Variants in AOPEP observed in about 807,000 individuals in gnomAD.
AOPEP encodes aminopeptidase O.
Under a neutral mutation model 98.1 loss-of-function variants are expected in AOPEP, and 77 were observed. That is an observed-to-expected ratio of 0.78 (90% confidence interval 0.65 to 0.95). The LOEUF is 0.95. Ranked by LOEUF, AOPEP falls within the 40% of genes least tolerant of loss-of-function variation. AOPEP has a pLI of 0.00. For missense variants in AOPEP, 1,024 were observed against 1,024.7 expected (o/e 1.00, Z 0.01); for synonymous variants, 346 against 365.3 (o/e 0.95, Z 0.60).
chr9:95,064,611 C>T (rs1057159810), intron 14 of AOPEP, among the ~76,000 whole-genome samples: 3 of 152,166 alleles, frequency 2.0e-5, no homozygotes, highest in South Asian at 2.1e-4. Context: ...TTTGATGCAT[C>T]GTACACAAGC....
chr9:95,067,807 A>T (rs189559065), intron 14 of AOPEP, among the ~76,000 whole-genome samples: 1 of 152,306 alleles, frequency 6.6e-6, no homozygotes, highest in African/African-American at 2.4e-5. Flanking sequence ...ACATTTTGTC[A>T]TCCCCAAAAG....
At chr9:94,938,334 G>A (rs2056582034) in intron 7 of AOPEP, among the ~76,000 whole-genome samples, 1 of 152,196 alleles carries the variant, frequency 6.6e-6, no homozygotes, top group South Asian at 2.1e-4. Flanking sequence ...CATGATGTCT[G>A]TCCCTGAGGT....
chr9:94,944,754 G>A (rs1002777610), intron 7 of AOPEP, among the ~76,000 whole-genome samples: 1 of 152,020 alleles, frequency 6.6e-6, no homozygotes, highest in African/African-American at 2.4e-5. Flanking sequence ...GGGAGTGACT[G>A]CCAGTGTGTA....
chr9:94,932,037 G>C (rs776447604), intron 7 of AOPEP: 3 of 1,169,808 alleles, frequency 2.6e-6, no homozygotes, highest in Non-Finnish European at 2.1e-6. Context: ...AGCTGATAAA[G>C]AAGAGAACAG....
intron 14 of AOPEP, among the ~76,000 whole-genome samples, chr9:95,079,445 A>G (rs1441879898): frequency 1.3e-5 from 2 of 152,250 alleles, no homozygotes; most frequent in African/African-American, 2.4e-5. Context: ...AATGCACATA[A>G]TCACTTCTAT....
chr9:94,850,162 C>T lies in AOPEP; in HGVS notation c.1364+49160C>T, dbSNP rs116745569. 7.4e-3 allele frequency among the ~76,000 whole-genome samples: 1,133 copies of T among 152,174 alleles called. 14 individuals are homozygous for T. The highest frequency in any genetic ancestry group is 0.026 in the African/African-American group (1,081 of 41,502). ...CTGGTTCTTAACAGTCCCCAGCCTG[C>T]GGGGTGAGCACCTCTGCTTTAGAAG... On this transcript the variant is annotated intron_variant, in intron 5 of 16. Transcript: ENST00000375315.
chr9:94,928,595 C>A, intron 7 of AOPEP, 64 bp downstream of exon 7: 1 of 1,146,708 alleles, frequency 8.7e-7, no homozygotes, highest in South Asian at 1.4e-5. Flanking sequence ...AGACACCTCC[C>A]TGCCAACTGA....
intron 11 of AOPEP, among the ~76,000 whole-genome samples, chr9:95,001,244 C>A (rs915966708): frequency 2.6e-5 from 4 of 152,216 alleles, no homozygotes; most frequent in African/African-American, 9.7e-5. Flanking sequence ...AATCTCCAAT[C>A]AATCACGAGG....
intron 7 of AOPEP, among the ~76,000 whole-genome samples, chr9:94,935,864 C>A (rs1489523833): frequency 1.3e-5 from 2 of 152,156 alleles, no homozygotes; most frequent in East Asian, 3.9e-4. Flanking sequence ...ACTGATCATC[C>A]CCTCTACCCT....
At chr9:95,085,615 G>C (rs1050307055) in intron 16 of AOPEP, 1 of 400,244 alleles carries the variant, frequency 2.5e-6, no homozygotes, top group Non-Finnish European at 5.0e-6. Flanking sequence ...TGCACAGTCA[G>C]CTTGGGTGCG....
At chr9:95,093,893 T>C in the AOPEP span, among the ~76,000 whole-genome samples, 14 of 152,210 alleles carry the variant, frequency 9.2e-5, no homozygotes, top group Non-Finnish European at 1.8e-4. Context: ...TTGGGCACAT[T>C]ATTCGGCCTC....
At chr9:94,899,436 A>C (rs2050099165) in intron 5 of AOPEP, among the ~76,000 whole-genome samples, 1 of 150,194 alleles carries the variant, frequency 6.7e-6, no homozygotes, top group African/African-American at 2.5e-5. Context: ...TAACCGTGCA[A>C]CTGTTAGCTT....
chr9:94,812,988 C>T (rs936458596), intron 5 of AOPEP, among the ~76,000 whole-genome samples: 3 of 152,064 alleles, frequency 2.0e-5, no homozygotes, highest in African/African-American at 4.8e-5. Context: ...GAGCTCCATC[C>T]TGCCTTTGTT....
At chr9:95,111,047 A>G in the AOPEP span, 1 of 1,464,564 alleles carries the variant, frequency 6.8e-7, no homozygotes, top group Non-Finnish European at 9.0e-7. Flanking sequence ...GATGGAAGCA[A>G]GCCCTGGCCG....
chr9:95,042,199 C>G (rs1435032160), intron 13 of AOPEP, among the ~76,000 whole-genome samples: 1 of 152,092 alleles, frequency 6.6e-6, no homozygotes, highest in Non-Finnish European at 1.5e-5. Flanking sequence ...GTAGTCCCAG[C>G]TACTCGGGAG....
intron 5 of AOPEP, among the ~76,000 whole-genome samples, chr9:94,808,352 T>C (rs1409048652): frequency 6.6e-6 from 1 of 152,208 alleles, no homozygotes; most frequent in Non-Finnish European, 1.5e-5. Flanking sequence ...AGCTTTTCTT[T>C]AAGAGAAGTT....
the AOPEP span, chr9:95,135,667 C>T: frequency 1.6e-6 from 1 of 630,910 alleles, no homozygotes; most frequent in Non-Finnish European, 2.8e-6. Context: ...ACCAAGTGCT[C>T]ATTTGCAAAA....
chr9:95,016,533 G>A (rs945397134), intron 13 of AOPEP, among the ~76,000 whole-genome samples: 18 of 151,610 alleles, frequency 1.2e-4, no homozygotes, highest in African/African-American at 2.9e-4. Context: ...GTGAGCCACC[G>A]CGCCAGGCCC....
At chr9:95,063,791 C>T (rs1284583036) in intron 14 of AOPEP, among the ~76,000 whole-genome samples, 2 of 152,032 alleles carry the variant, frequency 1.3e-5, no homozygotes, top group Non-Finnish European at 2.9e-5. Flanking sequence ...TGTGTCTTCT[C>T]CGGGGTGCTG....
Sources: gnomAD v4.1 joint callset for allele counts (sites outside exome capture counted in the v4.1 genomes callset) on GRCh38, gnomAD v4.1.1 for gene constraint, MANE v1.5 for transcripts, NCBI Gene and HGNC (gene_info 2026-07-23, HGNC 2026-07-21) for gene names.